Variants in NCAM2 observed in about 807,000 individuals in gnomAD.
NCAM2 encodes the protein N-CAM-2.
A neutral mutation model predicts 98.1 loss-of-function variants in NCAM2; 30 were observed. The ratio of observed to expected loss-of-function variants is 0.31; its 90% CI spans 0.23 to 0.41. NCAM2 has a LOEUF of 0.41. Ranked by LOEUF, NCAM2 falls within the 10% of genes least tolerant of loss-of-function variation. The pLI, the probability that NCAM2 is intolerant of heterozygous loss-of-function variation, is 1.00. For synonymous variants in NCAM2, 368 were observed against 342.4 expected, an observed-to-expected ratio of 1.07 and a Z score of -0.83; for missense variants, 867 against 1,005.8, an observed-to-expected ratio of 0.86 and a Z score of 1.87.
chr21:21,004,451 A>T (rs1004027515), intron 1 of NCAM2, among the ~76,000 whole-genome samples: 15 of 152,300 alleles, frequency 9.8e-5, no homozygotes, highest in Non-Finnish European at 1.9e-4. Context: ...AACTGGGAGT[A>T]GATTTTCCAA....
chr21:21,324,581 G>A, intron 6 of NCAM2, 81 bp downstream of exon 6: 5 of 1,005,518 alleles, frequency 5.0e-6, no homozygotes, highest in Non-Finnish European at 7.4e-6. Flanking sequence ...AATCATTTTG[G>A]TAAAAAGCAA....
intron 1 of NCAM2, 40 bp downstream of exon 1, chr21:20,998,658 C>T (rs750753606): frequency 1.3e-6 from 2 of 1,593,506 alleles, no homozygotes; most frequent in Middle Eastern, 1.7e-4. Flanking sequence ...TTTCCCTCCC[C>T]CTTCCACCCG....
chr21:21,246,777 A>G (rs139259805), intron 1 of NCAM2, among the ~76,000 whole-genome samples: 24 of 152,320 alleles, frequency 1.6e-4, no homozygotes, highest in African/African-American at 5.5e-4. Flanking sequence ...TTAAACATGC[A>G]TTTTTGAAAC....
intron 1 of NCAM2, among the ~76,000 whole-genome samples, chr21:21,059,487 G>A (rs2065278457): frequency 6.6e-6 from 1 of 152,052 alleles, no homozygotes; most frequent in African/African-American, 2.4e-5. Flanking sequence ...TTTATAAATA[G>A]CCACAGTGGA....
At chr21:21,288,380 T>C (rs765254650) in intron 4 of NCAM2, among the ~76,000 whole-genome samples, 17 of 151,834 alleles carry the variant, frequency 1.1e-4, no homozygotes, top group Non-Finnish European at 2.5e-4. Context: ...TCTCTATGAG[T>C]TTTTAAATCT....
At chr21:21,055,187 C>T (rs1353558574) in intron 1 of NCAM2, among the ~76,000 whole-genome samples, 1 of 151,764 alleles carries the variant, frequency 6.6e-6, no homozygotes, top group East Asian at 1.9e-4. Flanking sequence ...GAAGCTTACC[C>T]TAGAACTTAA....
intron 1 of NCAM2, among the ~76,000 whole-genome samples, chr21:21,182,639 A>C (rs554927271): frequency 6.6e-6 from 1 of 152,278 alleles, no homozygotes; most frequent in African/African-American, 2.4e-5. Flanking sequence ...TGGCTTTGAT[A>C]AAATTTATAT....
chr21:21,525,343 A>G, intron 16 of NCAM2, among the ~76,000 whole-genome samples: 1 of 152,152 alleles, frequency 6.6e-6, no homozygotes, highest in South Asian at 2.1e-4. Context: ...AATAACTACT[A>G]TAGACAGCAT....
chr21:21,093,722 A>G (rs759625077), intron 1 of NCAM2, among the ~76,000 whole-genome samples: 8 of 151,974 alleles, frequency 5.3e-5, no homozygotes, highest in East Asian at 1.9e-4. Context: ...TCTTAATGTA[A>G]CAGTAATTCC....
chr21:21,183,936 A>G (rs1274357409), intron 1 of NCAM2, among the ~76,000 whole-genome samples: 1 of 152,150 alleles, frequency 6.6e-6, no homozygotes, highest in East Asian at 1.9e-4. Context: ...TGATACATGT[A>G]AAGAGATGGG....
chr21:21,194,021 A>G (rs1434481662), intron 1 of NCAM2, among the ~76,000 whole-genome samples: 2 of 152,144 alleles, frequency 1.3e-5, no homozygotes, highest in Non-Finnish European at 2.9e-5. Context: ...AAAATATTAC[A>G]CAATTTTCCA....
chr21:21,318,838 A>T (rs1411010773), intron 5 of NCAM2, among the ~76,000 whole-genome samples: 2 of 152,242 alleles, frequency 1.3e-5, no homozygotes, highest in Non-Finnish European at 2.9e-5. Context: ...TTTGAGTAAG[A>T]GTGAAGACTT....
chr21:21,461,175 T>C (rs1447217033), intron 12 of NCAM2, among the ~76,000 whole-genome samples: 1 of 151,930 alleles, frequency 6.6e-6, no homozygotes, highest in Admixed American at 6.6e-5. Context: ...CAGTTGAATT[T>C]TTCTTGCATA....
intron 1 of NCAM2, among the ~76,000 whole-genome samples, chr21:21,152,162 T>A (rs1177515784): frequency 6.6e-6 from 1 of 152,030 alleles, no homozygotes; most frequent in African/African-American, 2.4e-5. Flanking sequence ...TGTTTCAGTT[T>A]GGATAATTTT....
At chr21:21,446,793 CATTCACA>C (rs2146106865) in intron 12 of NCAM2, among the ~76,000 whole-genome samples, 1 of 152,110 alleles carries the variant, frequency 6.6e-6, no homozygotes, top group African/African-American at 2.4e-5. Flanking sequence ...AATGAATTCC[CATTCACA>C]ATTGTTACAA....
At chr21:21,412,805 A>C (rs1213541800) in intron 10 of NCAM2, among the ~76,000 whole-genome samples, 1 of 152,158 alleles carries the variant, frequency 6.6e-6, no homozygotes, top group Admixed American at 6.5e-5. Flanking sequence ...GCATAACAAA[A>C]TAACAATAAT....
At position 21,410,569 on chromosome 21, in the gene NCAM2, A is replaced by G. The variant is rs1014069850; in HGVS notation, c.1383+108A>G. 4 of 575,040 alleles carry G rather than the reference A, an allele frequency of 7.0e-6. No individual in the cohort carries two copies. In the Admixed American group the frequency reaches 1.7e-4, roughly 24 times the overall value. 35.6% of individuals were successfully genotyped at this position (575,040 alleles called of 1,614,324 possible). A position where few individuals can be genotyped will look rare whatever the true frequency, so the allele number is the denominator to read the frequency against. On this transcript the variant is annotated intron_variant, in intron 10 of 17. Transcript: ENST00000400546. ...TGCATATATATATATAATAAGAGAG[A>G]GAAATCATGGTGTATATATTTTACA...
Position 21,409,907 on chromosome 21 carries a change from G to A in NCAM2, c.1196-367G>A, listed in dbSNP as rs145978671. Among the ~76,000 whole-genome samples, 1,259 of 152,156 alleles carry A rather than the reference G, an allele frequency of 8.3e-3. 10 individuals are homozygous for A. Among genetic ancestry groups the A allele is most frequent in the South Asian group, 0.018 (85 of 4,816 alleles). ...GGGCGGATCTCGAGGTCAGGAGATC[G>A]AGAATCACGAGGTCAGGAGATCGAG... is the stretch of plus-strand genomic sequence containing the variant. On this transcript the variant is annotated intron_variant, in intron 9 of 17. Coordinates refer to ENST00000400546, the MANE Select transcript of NCAM2 (RefSeq NM_004540.5).
In NCAM2 at chr21:21,488,118, T is replaced by C. The variant is rs564786344; in HGVS notation, c.2077+10647T>C. On this transcript the variant is annotated intron_variant, in intron 15 of 17. Transcript: ENST00000400546. Reference sequence around the variant, plus strand: ...TGTTTAATATATATGCAATTTTCACTTACATATAGCAAATACATATAAAGA... The same window carrying C: ...TGTTTAATATATATGCAATTTTCACCTACATATAGCAAATACATATAAAGA... 9.2e-5 allele frequency among the ~76,000 whole-genome samples: 14 copies of C among 152,244 alleles called. No homozygotes were observed. In the South Asian group the frequency reaches 2.9e-3, roughly 32 times the overall value.
Sources: gnomAD v4.1 joint callset for allele counts (sites outside exome capture counted in the v4.1 genomes callset) on GRCh38, gnomAD v4.1.1 for gene constraint, MANE v1.5 for transcripts, NCBI Gene and HGNC (gene_info 2026-07-23, HGNC 2026-07-21) for gene names.